EXPH5: variants seen among roughly 807,000 people sequenced by gnomAD.
EXPH5 encodes exophilin-5.
Under a neutral mutation model 41.1 loss-of-function variants are expected in EXPH5, and 42 were observed. The ratio of observed to expected loss-of-function variants is 1.02; its 90% CI spans 0.80 to 1.32. The LOEUF (loss-of-function observed/expected upper bound fraction) is 1.32. EXPH5 is among the 40% of genes most tolerant of loss of function. The probability of loss-of-function intolerance (pLI) is 0.00; values close to 1 mark genes in which losing one functional copy is unlikely to be tolerated. For synonymous variants in EXPH5, 798 were observed against 833.5 expected, an observed-to-expected ratio of 0.96 and a Z score of 0.73; for missense variants, 2,298 against 2,314.5, an observed-to-expected ratio of 0.99 and a Z score of 0.15.
At chr11:108,595,669 G>A (rs768713925), upstream of EXPH5, among the ~76,000 whole-genome samples, 1 of 152,274 alleles carries the variant, frequency 6.6e-6, no homozygotes, top group African/African-American at 2.4e-5. Flanking sequence ...CAGATACACA[G>A]TATATCTGAA....
At chr11:108,603,303 C>T in the EXPH5 span, among the ~76,000 whole-genome samples, 1 of 152,186 alleles carries the variant, frequency 6.6e-6, no homozygotes, top group Non-Finnish European at 1.5e-5. Context: ...TTGTACAACA[C>T]TGTAAATGTA....
At position 108,511,025 on chromosome 11, in the gene EXPH5, T is replaced by A; in HGVS notation, c.4482A>T (p.Lys1494Asn). The change falls in exon 6 of 6, where the codon AAA becomes AAT. Residue 1494 changes from lysine to asparagine, a missense_variant. Transcript: ENST00000265843. Reference protein sequence around the residue: ...GRGDIGTNCQKMTNKTLSHSE... With the variant: ...GRGDIGTNCQNMTNKTLSHSE... ...AGTGAGAAAGTGTTTTATTAGTCAT[T>A]TTTTGGCAGTTGGTTCCAATGTCCC... 1 of 1,614,166 alleles carries A rather than the reference T, an allele frequency of 6.2e-7. No homozygotes were observed. The highest frequency in any genetic ancestry group is 1.1e-5 in the South Asian group (1 of 91,072).
intron 3 of EXPH5, among the ~76,000 whole-genome samples, chr11:108,529,813 C>T (rs1311199341): frequency 6.7e-6 from 1 of 149,090 alleles, no homozygotes; most frequent in Non-Finnish European, 1.5e-5. Context: ...CATTGCACTC[C>T]AGCCTGGGTG....
chr11:108,583,377 A>T (rs964510224), intron 1 of EXPH5, among the ~76,000 whole-genome samples: 28 of 151,964 alleles, frequency 1.8e-4, no homozygotes, highest in African/African-American at 6.0e-4. Flanking sequence ...GTCTCAAAAA[A>T]AAAAATAAAA....
In EXPH5 at chr11:108,520,333, C is replaced by T. The variant is rs115849326; in HGVS notation, c.493-1960G>A. Among the ~76,000 whole-genome samples, 643 of 152,148 alleles carry T rather than the reference C, an allele frequency of 4.2e-3. 3 individuals carry two copies. Among genetic ancestry groups the T allele is most frequent in the African/African-American group, 0.015 (609 of 41,496 alleles). ...CTTTCTGTGGAAAAGTTCTTTTCCA[C>T]GAAGTGGGTCCCTGGTGCCAAAAAC... is the stretch of plus-strand genomic sequence containing the variant. On this transcript the variant is annotated intron_variant, in intron 4 of 5. Transcript: ENST00000265843.
intron 1 of EXPH5, among the ~76,000 whole-genome samples, chr11:108,565,426 A>T (rs920858977): frequency 6.6e-6 from 1 of 152,148 alleles, no homozygotes; most frequent in African/African-American, 2.4e-5. Context: ...ATCAGTGCTG[A>T]ATGTTGTCTT....
Position 108,513,198 on chromosome 11 carries a change from G to C in EXPH5, c.2309C>G (p.Pro770Arg), listed in dbSNP as rs1318831754. The C allele has an allele frequency of 6.2e-7, 1 of 1,614,008 alleles. No individual in the cohort carries two copies. The highest frequency in any genetic ancestry group is 8.5e-7 in the Non-Finnish European group (1 of 1,179,980). Residue 770 changes from proline (P) to arginine (R), a missense_variant, in exon 6 of 6, where the codon CCC becomes CGC. Coordinates refer to ENST00000265843, the MANE Select transcript of EXPH5 (RefSeq NM_015065.3). ...GGTATCTTTCCTGGAAAAGACTCTG[G>C]GTGACTTTTTTGAACTTATTATGGT... ...ASTIISSKKS[P>R]RVFSRKDTSK...
chr11:108,532,565 A>G (rs2093850509), intron 3 of EXPH5, among the ~76,000 whole-genome samples: 1 of 150,824 alleles, frequency 6.6e-6, no homozygotes, highest in South Asian at 2.1e-4. Context: ...GAAACTATTA[A>G]TAGATAATGA....
chr11:108,585,464 G>A (rs1465597416), intron 1 of EXPH5, among the ~76,000 whole-genome samples: 1 of 152,156 alleles, frequency 6.6e-6, no homozygotes, highest in Non-Finnish European at 1.5e-5. Context: ...CTTCTACCAT[G>A]TGAGGACACA....
chr11:108,580,828 A>T (rs779903935), intron 1 of EXPH5, among the ~76,000 whole-genome samples: 1 of 152,170 alleles, frequency 6.6e-6, no homozygotes, highest in Non-Finnish European at 1.5e-5. Context: ...ACACGTTCTC[A>T]CTCATAAGTG....
intron 2 of EXPH5, 78 bp downstream of exon 2, chr11:108,541,574 G>T (rs2093913043): frequency 2.3e-6 from 2 of 872,510 alleles, no homozygotes; most frequent in Non-Finnish European, 3.5e-6. Flanking sequence ...TTACATTGGA[G>T]ATCCACTGGG....
chr11:108,589,506 C>T (rs1408327113), intron 1 of EXPH5, among the ~76,000 whole-genome samples: 1 of 152,184 alleles, frequency 6.6e-6, no homozygotes, highest in Non-Finnish European at 1.5e-5. Context: ...CTGGAAAACC[C>T]TCCTGGGCTG....
At chr11:108,569,158 C>T (rs1311480852) in intron 1 of EXPH5, among the ~76,000 whole-genome samples, 1 of 152,116 alleles carries the variant, frequency 6.6e-6, no homozygotes, top group African/African-American at 2.4e-5. Context: ...GTTCACTCCA[C>T]TTGCTGTTCA....
Position 108,513,813 on chromosome 11 carries a change from A to G in EXPH5, c.1694T>C (p.Val565Ala), listed in dbSNP as rs2093701626. ...FQRSTLDSMV[V>A]SHGNETQLTP... ...CAACTGGGTCTCATTACCATGTGAT[A>G]CCACCATGCTATCCAGTGTGGATCT... The change falls in exon 6 of 6, where the codon GTA becomes GCA. Residue 565 changes from valine (V) to alanine (A), a missense_variant. Val to Ala is a moderately conservative substitution (Grantham distance 64). Transcript: ENST00000265843. 6.2e-7 allele frequency: 1 copy of G among 1,602,196 alleles called. No homozygotes were observed. The highest frequency in any genetic ancestry group is 1.3e-5 in the African/African-American group (1 of 74,492).
chr11:108,569,017 C>T (rs900490119), intron 1 of EXPH5, among the ~76,000 whole-genome samples: 67 of 152,126 alleles, frequency 4.4e-4, no homozygotes, highest in African/African-American at 1.5e-3. Context: ...CACAGGTCCA[C>T]GTCCCACCCT....
intron 1 of EXPH5, among the ~76,000 whole-genome samples, chr11:108,575,376 T>A (rs1174935467): frequency 6.6e-6 from 1 of 152,224 alleles, no homozygotes; most frequent in Non-Finnish European, 1.5e-5. Context: ...AACATCTATA[T>A]TATTTACATG....
rs1005711170 is a variant in EXPH5 at position 108,514,792 on chromosome 11, T to C, written c.715A>G (p.Arg239Gly). The C allele has an allele frequency of 2.5e-6, 4 of 1,606,018 alleles. No homozygotes were observed. The African/African-American group carries it at 4.0e-5, about 16-fold the overall frequency. Residue 239 changes from arginine (R) to glycine (G), a missense_variant, in exon 6 of 6, where the codon AGA becomes GGA. Arg to Gly is a moderately radical substitution (Grantham distance 125). Coordinates refer to ENST00000265843, the MANE Select transcript of EXPH5 (RefSeq NM_015065.3). Reference sequence around the variant, plus strand: ...GAATAAAAGTGACCGAACTGTGTTCTTGATCCATAGTTGAGGGGTGTTCTG... The same window carrying C: ...GAATAAAAGTGACCGAACTGTGTTCCTGATCCATAGTTGAGGGGTGTTCTG... ...NTRTPLNYGS[R>G]TQFGHFYSSG... is the part of the protein sequence containing the mutation.
At chr11:108,582,318 A>G (rs894408414) in intron 1 of EXPH5, among the ~76,000 whole-genome samples, 33 of 151,802 alleles carry the variant, frequency 2.2e-4, no homozygotes, top group Admixed American at 5.2e-4. Context: ...CAAAAAAGTT[A>G]GCTGGGCGTG....
chr11:108,547,303 C>T (rs940601529), intron 1 of EXPH5, among the ~76,000 whole-genome samples: 5 of 152,084 alleles, frequency 3.3e-5, no homozygotes, highest in Non-Finnish European at 5.9e-5. Context: ...AAATGATCCT[C>T]CTGCCTCAGC....
Sources: allele counts gnomAD v4.1 joint callset (sites outside exome capture counted in the v4.1 genomes callset), GRCh38; gene constraint gnomAD v4.1.1; transcripts MANE v1.5; gene names NCBI Gene and HGNC (gene_info 2026-07-23, HGNC 2026-07-21).